The following FGF21 variants were observed in gnomAD, a reference collection of about 807,000 sequenced individuals.
FGF21 encodes fibroblast growth factor 21.
A neutral mutation model predicts 13.4 loss-of-function variants in FGF21; 13 were observed. That is an observed-to-expected ratio of 0.97 (90% CI 0.63 to 1.54). FGF21 has a LOEUF of 1.54. FGF21 is among the 40% of genes most tolerant of loss of function. FGF21 has a pLI of 0.00. For synonymous variants in FGF21, 124 were observed against 123.6 expected (o/e 1.00, Z -0.02); for missense variants, 303 against 272.4 (o/e 1.11, Z -0.79).
rs374756853 is a variant in FGF21 at position 48,756,387 on chromosome 19, A to G, written c.151A>G (p.Thr51Ala). 2 of 1,613,832 alleles carry G rather than the reference A, an allele frequency of 1.2e-6. No homozygotes were observed. The highest frequency in any genetic ancestry group is 1.7e-6 in the Non-Finnish European group (2 of 1,180,016). ...GGQVRQRYLY[T>A]DDAQQTEAHL... is the part of the protein sequence containing the mutation. ...CCAAGTCCGGCAGCGGTACCTCTAC[A>G]CAGATGATGCCCAGCAGACAGAAGC... Residue 51 changes from threonine to alanine, a missense_variant, in exon 2 of 4, where the codon ACA becomes GCA. By Grantham distance (58) the Thr-to-Ala change is moderately conservative. Transcript: ENST00000593756.
Position 48,756,368 on chromosome 19 carries a change from C to T in FGF21, c.132C>T (p.Val44=), listed in dbSNP as rs767469283. 1.2e-6 allele frequency: 2 copies of T among 1,613,936 alleles called. No homozygotes were observed. Among genetic ancestry groups the T allele is most frequent in the Middle Eastern group, 1.6e-4 (1 of 6,084 alleles). The part of the protein sequence containing the change: ...SSPLLQFGGQ[V]RQRYLYTDDA... ...CTCTCCTGCAATTCGGGGGCCAAGT[C>T]CGGCAGCGGTACCTCTACACAGATG... Residue 44 remains valine, a synonymous_variant, in exon 2 of 4, where the codon GTC becomes GTT. Transcript: ENST00000593756.
At position 48,756,481 on chromosome 19, in the gene FGF21, G is replaced by A. The variant is rs780904522; in HGVS notation, c.235+10G>A. ...GACCAGAGCCCCGAAAGTGAGTGTGGGCCAGAGCCTGGGTCTGAGGGAGGA... is the reference window on the plus strand; with the variant it reads ...GACCAGAGCCCCGAAAGTGAGTGTGAGCCAGAGCCTGGGTCTGAGGGAGGA... On this transcript the variant is annotated intron_variant, in intron 2 of 3. Coordinates refer to ENST00000593756, the MANE Select transcript of FGF21 (RefSeq NM_019113.4). 16 of 1,609,274 alleles carry A rather than the reference G, an allele frequency of 9.9e-6. No homozygotes were observed. Among genetic ancestry groups the A allele is most frequent in the Admixed American group, 5.0e-5 (3 of 59,532 alleles).
rs111972968 is a variant in FGF21 at position 48,757,074 on chromosome 19, T to C, written c.339+45T>C. 44 of 1,461,640 alleles carry C rather than the reference T, an allele frequency of 3.0e-5. 1 individual carries two copies. In the African/African-American group the frequency reaches 3.6e-4, roughly 12 times the overall value. The allele number at this position is 1,461,640 out of a possible 1,614,324, so 90.5% of individuals were successfully genotyped here. On this transcript the variant is annotated intron_variant, in intron 3 of 3. Coordinates refer to ENST00000593756, the MANE Select transcript of FGF21 (RefSeq NM_019113.4). ...CTCACCACCCACCATGCTCCTCCTATATGTCGCCCTCACAGCCTGGGGTGC... is the reference window on the plus strand; with the variant it reads ...CTCACCACCCACCATGCTCCTCCTACATGTCGCCCTCACAGCCTGGGGTGC...
At chr19:48,757,254 T>A (rs1404733781) in intron 3 of FGF21, among the ~76,000 whole-genome samples, 1 of 152,220 alleles carries the variant, frequency 6.6e-6, no homozygotes. Flanking sequence ...TCATGTGATG[T>A]GTGGATGCTG....
rs918505128 is a variant in FGF21 at position 48,757,115 on chromosome 19, C to T, written c.339+86C>T. 1.4e-4 allele frequency: 136 copies of T among 955,284 alleles called. No individual in the cohort carries two copies. The African/African-American group carries it at 2.1e-3, about 15-fold the overall frequency. The allele number at this position is 955,284 out of a possible 1,614,324, so 59.2% of individuals were successfully genotyped here. On this transcript the variant is annotated intron_variant, in intron 3 of 3. Transcript: ENST00000593756. ...CCTGGGGTGCCTTGTCTTGCTCATCCCCCCCGGAGCCAGACTTGATTCTAT... is the reference window on the plus strand; with the variant it reads ...CCTGGGGTGCCTTGTCTTGCTCATCTCCCCCGGAGCCAGACTTGATTCTAT...
intron 3 of FGF21, 133 bp downstream of exon 3, chr19:48,757,162 G>T: frequency 1.5e-6 from 1 of 670,870 alleles, no homozygotes. Context: ...GCCCCCAGCT[G>T]CAACATTTGG....
intron 2 of FGF21, 38 bp downstream of exon 2, chr19:48,756,509 G>A: frequency 6.3e-7 from 1 of 1,580,408 alleles, no homozygotes; most frequent in Middle Eastern, 1.9e-4. Flanking sequence ...AGGGAGGAGG[G>A]GCTGTGGGTC....
intron 2 of FGF21, 76 bp downstream of exon 2, chr19:48,756,547 G>T (rs2034099169): frequency 3.5e-6 from 5 of 1,429,978 alleles, no homozygotes; most frequent in Non-Finnish European, 3.8e-6. Flanking sequence ...GGGAGGAGGG[G>T]CTGGGGGCCT....
chr19:48,758,224 C>G lies in FGF21; in HGVS notation c.*4C>G. Reference sequence around the variant, plus strand: ...AAGCCCCAGCTACGCTTCCTGAAGCCAGAGGCTGTTTACTATGACATCTCC... The same window carrying G: ...AAGCCCCAGCTACGCTTCCTGAAGCGAGAGGCTGTTTACTATGACATCTCC... On this transcript the variant is annotated 3_prime_UTR_variant, in exon 4 of 4. Coordinates refer to ENST00000593756, the MANE Select transcript of FGF21 (RefSeq NM_019113.4). 6.3e-7 allele frequency: 1 copy of G among 1,595,994 alleles called. No individual in the cohort carries two copies. The highest frequency in any genetic ancestry group is 8.5e-7 in the Non-Finnish European group (1 of 1,174,618).
At chr19:48,757,065 C>CTCCTCCTA in intron 3 of FGF21, 36 bp downstream of exon 3, 1 of 1,515,470 alleles carries the variant, frequency 6.6e-7, no homozygotes, top group Non-Finnish European at 9.2e-7. Flanking sequence ...ACCCACCATG[C>CTCCTCCTA]TCCTCCTATA....
Position 48,756,227 on chromosome 19 carries a change from C to T in FGF21, c.-10C>T, listed in dbSNP as rs111808565. 2.3e-5 allele frequency: 37 copies of T among 1,609,574 alleles called. No individual in the cohort carries two copies. The highest frequency in any genetic ancestry group is 9.3e-5 in the African/African-American group (7 of 74,958). On this transcript the variant is annotated 5_prime_UTR_variant, in exon 2 of 4. Transcript: ENST00000593756. ...ACACCCCGGAGATCACCTGAGGACC[C>T]GAGCCATTGATGGACTCGGACGAGA...
At chr19:48,757,120 C>T (rs568275036) in intron 3 of FGF21, 91 bp downstream of exon 3, 36 of 910,570 alleles carry the variant, frequency 4.0e-5, no homozygotes, top group Admixed American at 8.2e-5. Context: ...TCATCCCCCC[C>T]GGAGCCAGAC....
In FGF21 at chr19:48,757,190, A is replaced by G. The variant is rs529363818; in HGVS notation, c.339+161A>G. 5.5e-4 allele frequency among the ~76,000 whole-genome samples: 84 copies of G among 152,306 alleles called. 1 individual carries two copies. Among genetic ancestry groups the G allele is most frequent in the African/African-American group, 1.9e-3 (78 of 41,574 alleles). The stretch of plus-strand genomic sequence containing the variant: ...ACATTTGGAGGTTGAAGTTGTCATC[A>G]GTGTTTGCAAGATGAGGAAACTGAG... On this transcript the variant is annotated intron_variant, in intron 3 of 3. Coordinates refer to ENST00000593756, the MANE Select transcript of FGF21 (RefSeq NM_019113.4).
At chr19:48,757,853 G>A (rs2034135234) in intron 3 of FGF21, 77 bp from the exon 4 acceptor site, 1 of 1,412,848 alleles carries the variant, frequency 7.1e-7, no homozygotes, top group Non-Finnish European at 9.5e-7. Flanking sequence ...GAGGGAGGCA[G>A]GGCTGGGGCC....
rs2034095877 is a variant in FGF21 at position 48,756,455 on chromosome 19, T to C, written c.219T>C (p.Ala73=). ...IREDGTVGGA[A]DQSPESLLQL... ...AGGATGGGACGGTGGGGGGCGCTGC[T>C]GACCAGAGCCCCGAAAGTGAGTGTG... Residue 73 remains alanine, a synonymous_variant, in exon 2 of 4, where the codon GCT becomes GCC. Coordinates refer to ENST00000593756, the MANE Select transcript of FGF21 (RefSeq NM_019113.4). The C allele has an allele frequency of 6.2e-6, 10 of 1,612,844 alleles. No homozygotes were observed. Among genetic ancestry groups the C allele is most frequent in the Non-Finnish European group, 8.5e-6 (10 of 1,179,846 alleles).
At position 48,756,391 on chromosome 19, in the gene FGF21, A is replaced by G; in HGVS notation, c.155A>G (p.Asp52Gly). Residue 52 changes from aspartate to glycine, a missense_variant, in exon 2 of 4, where the codon GAT becomes GGT. Asp to Gly is a moderately conservative substitution (Grantham distance 94). Coordinates refer to ENST00000593756, the MANE Select transcript of FGF21 (RefSeq NM_019113.4). The part of the protein sequence containing the change: ...GQVRQRYLYT[D>G]DAQQTEAHLE... ...GTCCGGCAGCGGTACCTCTACACAGATGATGCCCAGCAGACAGAAGCCCAC... is the reference window on the plus strand; with the variant it reads ...GTCCGGCAGCGGTACCTCTACACAGGTGATGCCCAGCAGACAGAAGCCCAC... 6.2e-7 allele frequency: 1 copy of G among 1,613,992 alleles called. No individual in the cohort carries two copies. Among genetic ancestry groups the G allele is most frequent in the Non-Finnish European group, 8.5e-7 (1 of 1,180,022 alleles).
intron 3 of FGF21, among the ~76,000 whole-genome samples, chr19:48,757,495 G>A (rs574154153): frequency 4.8e-4 from 73 of 152,344 alleles, no homozygotes; most frequent in South Asian, 1.0e-3. Flanking sequence ...CTGGGAGGCA[G>A]GTCCCTGCAG....
chr19:48,755,962 G>C lies in FGF21; in HGVS notation c.-275G>C, dbSNP rs1304065950. On this transcript the variant is annotated 5_prime_UTR_variant, in exon 2 of 4. It removes an upstream start codon present in the reference 5' UTR. Coordinates refer to ENST00000593756, the MANE Select transcript of FGF21 (RefSeq NM_019113.4). ...CCATTCAGGCTGCCCTTGCCACGAT[G>C]GAATTCTGTAGCTCCTGCCAAATGG... The C allele has an allele frequency of 2.3e-6, 1 of 430,370 alleles. No homozygotes were observed. Among genetic ancestry groups the C allele is most frequent in the East Asian group, 4.3e-5 (1 of 23,420 alleles). 26.7% of individuals were successfully genotyped at this position (430,370 alleles called of 1,614,324 possible).
rs1403049682 is a variant in FGF21 at position 48,756,423 on chromosome 19, A to G, written c.187A>G (p.Ile63Val). Residue 63 changes from isoleucine to valine, a missense_variant, in exon 2 of 4, where the codon ATC (isoleucine) becomes GTC (valine). Ile to Val is a conservative substitution (Grantham distance 29). Transcript: ENST00000593756. ...CCAGCAGACAGAAGCCCACCTGGAG[A>G]TCAGGGAGGATGGGACGGTGGGGGG... ...DAQQTEAHLE[I>V]REDGTVGGAA... The G allele has an allele frequency of 1.9e-6, 3 of 1,613,678 alleles. No homozygotes were observed. The African/African-American group carries it at 4.0e-5, about 22-fold the overall frequency.
Sources: allele counts gnomAD v4.1 joint callset (sites outside exome capture counted in the v4.1 genomes callset), GRCh38; gene constraint gnomAD v4.1.1; transcripts MANE v1.5; gene names NCBI Gene and HGNC (gene_info 2026-07-23, HGNC 2026-07-21).